Variants in ME2 observed in about 807,000 individuals in gnomAD.
ME2 encodes the protein NAD-dependent malic enzyme, mitochondrial.
A neutral mutation model predicts 73.7 loss-of-function variants in ME2; 60 were observed. The ratio of observed to expected loss-of-function variants is 0.81; its 90% confidence interval spans 0.66 to 1.01. The LOEUF (loss-of-function observed/expected upper bound fraction) is 1.01, where lower values mean the gene tolerates loss of function less well. ME2 is among the 50% of genes least tolerant of loss of function. The pLI, the probability that ME2 is intolerant of heterozygous loss-of-function variation, is 0.00. For synonymous variants in ME2, 199 were observed against 236.9 expected (o/e 0.84, Z 1.47); for missense variants, 594 against 705.5 (o/e 0.84, Z 1.79).
intron 10 of ME2, 61 bp from the exon 11 acceptor site, chr18:50,924,035 CTT>C: frequency 9.7e-7 from 1 of 1,025,714 alleles, no homozygotes; most frequent in East Asian, 2.4e-5. Flanking sequence ...ATAATGATGT[CTT>C]TTTATTTCAT....
At chr18:50,929,532 A>T (rs1191600030) in intron 12 of ME2, among the ~76,000 whole-genome samples, 2 of 151,414 alleles carry the variant, frequency 1.3e-5, no homozygotes, top group African/African-American at 4.8e-5. Flanking sequence ...ATGTTGACAC[A>T]TGTATTCTCT....
At chr18:50,924,330 A>G (rs1917498068) in intron 11 of ME2, 118 bp downstream of exon 11, 1 of 659,556 alleles carries the variant, frequency 1.5e-6, no homozygotes, top group Non-Finnish European at 2.6e-6. Context: ...CAGCATGTAC[A>G]ATGTTTTCTG....
At chr18:50,886,300 GTGGCA>G (rs1916468661) in intron 1 of ME2, among the ~76,000 whole-genome samples, 1 of 150,432 alleles carries the variant, frequency 6.6e-6, no homozygotes, top group African/African-American at 2.4e-5. Flanking sequence ...CTGGAGTGCA[GTGGCA>G]TGATCTCGGC....
At chr18:50,880,059 T>A (rs1916276068) in intron 1 of ME2, among the ~76,000 whole-genome samples, 1 of 152,256 alleles carries the variant, frequency 6.6e-6, no homozygotes, top group Admixed American at 6.5e-5. Context: ...ACCTTCCTGA[T>A]GCTTGTGGCT....
chr18:50,911,638 G>A (rs1008466587), intron 3 of ME2, among the ~76,000 whole-genome samples: 16 of 152,138 alleles, frequency 1.1e-4, no homozygotes, highest in African/African-American at 3.6e-4. Context: ...CATTTGGAGC[G>A]CACATGTATA....
At chr18:50,940,231 TG>T in intron 14 of ME2, 56 bp from the exon 15 acceptor site, 1 of 1,123,990 alleles carries the variant, frequency 8.9e-7, no homozygotes, top group Non-Finnish European at 1.3e-6. Context: ...TTCCATTTAC[TG>T]GGTCCTTATT....
chr18:50,926,528 C>T (rs1208252606), intron 12 of ME2, among the ~76,000 whole-genome samples: 1 of 152,156 alleles, frequency 6.6e-6, no homozygotes, highest in Non-Finnish European at 1.5e-5. Flanking sequence ...GCTCCTGAAT[C>T]TATGGCTTGA....
In ME2 at chr18:50,950,425, T is replaced by C. The variant is rs1918195874; in HGVS notation, c.*3241T>C. ...ATCTTTTGGAGAACTAACAAGATTC[T>C]GATGCTGATGCATAGGGCCTGGGGT... On this transcript the variant is annotated 3_prime_UTR_variant, in exon 16 of 16. Transcript: ENST00000321341. The C allele has an allele frequency of 6.7e-6, 1 of 149,214 alleles. No homozygotes were observed. Among genetic ancestry groups the C allele is most frequent in the South Asian group, 2.2e-4 (1 of 4,612 alleles). The allele number at this position is 149,214 out of a possible 1,614,324, so 9.2% of individuals were successfully genotyped here.
At chr18:50,882,837 T>C (rs1031533891) in intron 1 of ME2, among the ~76,000 whole-genome samples, 6 of 152,148 alleles carry the variant, frequency 3.9e-5, no homozygotes, top group African/African-American at 1.2e-4. Context: ...TAATCCCAGC[T>C]ACTCAGTAGG....
intron 1 of ME2, among the ~76,000 whole-genome samples, chr18:50,883,197 C>T (rs550753286): frequency 6.6e-6 from 1 of 152,290 alleles, no homozygotes; most frequent in East Asian, 1.9e-4. Flanking sequence ...GGTGACACAA[C>T]TGATTCTGAA....
chr18:50,945,626 C>A (rs1210620832), intron 15 of ME2, among the ~76,000 whole-genome samples: 1 of 152,010 alleles, frequency 6.6e-6, no homozygotes, highest in Non-Finnish European at 1.5e-5. Context: ...TTTTTAATAA[C>A]CATCTTATTC....
intron 10 of ME2, 29 bp from the exon 11 acceptor site, chr18:50,924,069 A>G: frequency 6.9e-7 from 1 of 1,448,286 alleles, no homozygotes; most frequent in Non-Finnish European, 9.7e-7. Flanking sequence ...ATTGACTAAA[A>G]AAATACTGTA....
At chr18:50,906,438 G>A (rs1055508204) in intron 2 of ME2, among the ~76,000 whole-genome samples, 4 of 151,982 alleles carry the variant, frequency 2.6e-5, no homozygotes, top group Admixed American at 6.6e-5. Context: ...TCAGCCCCCC[G>A]AGTAGCTGGG....
At chr18:50,910,025 T>G (rs1008802009) in intron 3 of ME2, among the ~76,000 whole-genome samples, 1 of 152,130 alleles carries the variant, frequency 6.6e-6, no homozygotes, top group Non-Finnish European at 1.5e-5. Flanking sequence ...GATCTTGCTT[T>G]CTTTTATGAC....
chr18:50,905,494 G>C (rs1231806847), intron 2 of ME2, among the ~76,000 whole-genome samples: 1 of 152,146 alleles, frequency 6.6e-6, no homozygotes, highest in Non-Finnish European at 1.5e-5. Flanking sequence ...AAATATGAGT[G>C]ACCATGGCCT....
intron 2 of ME2, among the ~76,000 whole-genome samples, chr18:50,906,953 G>A (rs935650266): frequency 6.6e-6 from 1 of 152,114 alleles, no homozygotes; most frequent in South Asian, 2.1e-4. Context: ...GCTTTTGAAA[G>A]CTCCAACCCC....
chr18:50,895,754 A>C, intron 1 of ME2, 55 bp from the exon 2 acceptor site: 1 of 1,073,928 alleles, frequency 9.3e-7, no homozygotes, highest in Non-Finnish European at 1.4e-6. Flanking sequence ...CCCGATGGAC[A>C]TGAAGGCCTA....
chr18:50,944,342 C>T (rs1918034621), intron 15 of ME2, among the ~76,000 whole-genome samples: 1 of 152,116 alleles, frequency 6.6e-6, no homozygotes, highest in Non-Finnish European at 1.5e-5. Flanking sequence ...TCTGCGTTTC[C>T]CCAGAGGCAG....
intron 10 of ME2, among the ~76,000 whole-genome samples, chr18:50,923,382 T>C (rs1917473273): frequency 6.6e-6 from 1 of 152,196 alleles, no homozygotes; most frequent in Non-Finnish European, 1.5e-5. Flanking sequence ...ATTCATAAGT[T>C]TGTTCAGTTG....
Sources: allele counts gnomAD v4.1 joint callset (sites outside exome capture counted in the v4.1 genomes callset), GRCh38; gene constraint gnomAD v4.1.1; transcripts MANE v1.5; gene names NCBI Gene and HGNC (gene_info 2026-07-23, HGNC 2026-07-21).